ARB2A: variants seen among roughly 807,000 people sequenced by gnomAD.
The protein encoded by ARB2A is cotranscriptional regulator ARB2A.
At chr5:93,621,255 TGCGCCCCGCCTCAGCCGCCC>T in the ARB2A span, 2 of 756,852 alleles carry the variant, frequency 2.6e-6, no homozygotes, top group Admixed American at 6.8e-5. Context: ...CCCTCCCGCC[TGCGCCCCGCCTCAGCCGCCC>T]GCGCCCCGCC....
chr5:93,913,908 G>A, the ARB2A span, among the ~76,000 whole-genome samples: 1 of 152,020 alleles, frequency 6.6e-6, no homozygotes, highest in East Asian at 1.9e-4. Flanking sequence ...TGCAAAATGA[G>A]TTTAATTAAT....
chr5:94,071,369 G>A, the ARB2A span, among the ~76,000 whole-genome samples: 1 of 151,846 alleles, frequency 6.6e-6, no homozygotes, highest in Non-Finnish European at 1.5e-5. Flanking sequence ...TAAATGCACA[G>A]TTTATAAAAG....
the ARB2A span, among the ~76,000 whole-genome samples, chr5:93,919,009 A>G: frequency 1.3e-5 from 2 of 152,152 alleles, no homozygotes; most frequent in Admixed American, 1.3e-4. Flanking sequence ...TCACCCGTAA[A>G]ACATTAAGCA....
chr5:93,643,738 C>T, the ARB2A span, among the ~76,000 whole-genome samples: 1 of 152,220 alleles, frequency 6.6e-6, no homozygotes, highest in Admixed American at 6.5e-5. Flanking sequence ...AGGTGATCCA[C>T]CCGCCTCGGC....
At chr5:93,780,919 T>A in the ARB2A span, among the ~76,000 whole-genome samples, 1 of 152,294 alleles carries the variant, frequency 6.6e-6, no homozygotes, top group Non-Finnish European at 1.5e-5. Flanking sequence ...AGTAATACAA[T>A]AATATATTAC....
At chr5:93,840,244 G>A in the ARB2A span, among the ~76,000 whole-genome samples, 2,003 of 152,172 alleles carry the variant, frequency 0.013, 43 homozygotes, top group African/African-American at 0.046. Context: ...ATTTCTGACA[G>A]CACTCAGTCT....
At chr5:93,923,984 A>G in the ARB2A span, among the ~76,000 whole-genome samples, 2 of 152,160 alleles carry the variant, frequency 1.3e-5, no homozygotes, top group South Asian at 2.1e-4. Flanking sequence ...AGAAGAGTGG[A>G]AAGTTTTTGA....
At chr5:93,685,560 G>A in the ARB2A span, among the ~76,000 whole-genome samples, 2 of 152,120 alleles carry the variant, frequency 1.3e-5, no homozygotes, top group African/African-American at 4.8e-5. Context: ...AAAAAGAACT[G>A]CAAGTTCTAA....
chr5:93,985,996 G>A, the ARB2A span, among the ~76,000 whole-genome samples: 1,199 of 150,330 alleles, frequency 8.0e-3, 12 homozygotes, highest in African/African-American at 0.028. Flanking sequence ...CTGCCTGGCC[G>A]CCTATCGTCT....
At chr5:93,876,985 C>T in the ARB2A span, among the ~76,000 whole-genome samples, 15 of 152,108 alleles carry the variant, frequency 9.9e-5, no homozygotes, top group African/African-American at 3.4e-4. Context: ...AGATTTTTGA[C>T]GGATGTCAAC....
the ARB2A span, among the ~76,000 whole-genome samples, chr5:93,944,441 A>T: frequency 2.6e-5 from 4 of 152,040 alleles, no homozygotes; most frequent in African/African-American, 9.7e-5. Flanking sequence ...CCAAAAAAAT[A>T]AATAAATAAA....
At chr5:93,807,231 G>A in the ARB2A span, among the ~76,000 whole-genome samples, 1 of 151,792 alleles carries the variant, frequency 6.6e-6, no homozygotes, top group African/African-American at 2.4e-5. Context: ...TATAAATGTT[G>A]ATTTAAGGAC....
At chr5:93,807,684 A>G in the ARB2A span, among the ~76,000 whole-genome samples, 1 of 152,022 alleles carries the variant, frequency 6.6e-6, no homozygotes, top group Non-Finnish European at 1.5e-5. Context: ...TCAAGCTGGA[A>G]GCAAGATACA....
chr5:93,717,894 G>A, the ARB2A span, among the ~76,000 whole-genome samples: 1 of 150,712 alleles, frequency 6.6e-6, no homozygotes, highest in Admixed American at 6.6e-5. Flanking sequence ...GAGTGCAGTG[G>A]CATGATCTTG....
the ARB2A span, among the ~76,000 whole-genome samples, chr5:93,694,642 C>T: frequency 2.0e-5 from 3 of 152,100 alleles, no homozygotes; most frequent in Non-Finnish European, 4.4e-5. Context: ...CAATGCTATC[C>T]CCATCAAGCT....
At chr5:93,976,764 G>A in the ARB2A span, among the ~76,000 whole-genome samples, 41 of 152,226 alleles carry the variant, frequency 2.7e-4, no homozygotes, top group African/African-American at 9.9e-4. Flanking sequence ...CTTTATAGAA[G>A]TGTGAGAATG....
the ARB2A span, among the ~76,000 whole-genome samples, chr5:94,033,551 A>T: frequency 2.0e-5 from 3 of 152,056 alleles, no homozygotes; most frequent in Admixed American, 6.6e-5. Flanking sequence ...CAGCCTCCCG[A>T]GTAGCTGGGA....
chr5:93,770,873 A>G, the ARB2A span, among the ~76,000 whole-genome samples: 2 of 152,342 alleles, frequency 1.3e-5, no homozygotes, highest in Admixed American at 1.3e-4. Context: ...AAGTGGCCAT[A>G]CTGCCCAAGG....
At chr5:94,106,646 A>G in the ARB2A span, among the ~76,000 whole-genome samples, 1 of 152,072 alleles carries the variant, frequency 6.6e-6, no homozygotes, top group African/African-American at 2.4e-5. Context: ...AAGGAATATA[A>G]ATCATTCTAA....
Sources: gnomAD v4.1 joint callset for allele counts (sites outside exome capture counted in the v4.1 genomes callset) on GRCh38, gnomAD v4.1.1 for gene constraint, MANE v1.5 for transcripts, NCBI Gene and HGNC (gene_info 2026-07-23, HGNC 2026-07-21) for gene names.